SCUBE1: variants seen among roughly 807,000 people sequenced by gnomAD.
SCUBE1 encodes signal peptide, CUB domain and EGF like domain containing 1.
Under a neutral mutation model 124.4 loss-of-function variants are expected in SCUBE1, and 59 were observed. That is an observed-to-expected ratio of 0.47 (90% CI 0.38 to 0.59). The LOEUF (loss-of-function observed/expected upper bound fraction) is 0.59. Among genes scored for constraint, SCUBE1 ranks in the 20% least tolerant of loss-of-function variants. The probability of loss-of-function intolerance (pLI) is 0.00; values close to 1 mark genes in which losing one functional copy is unlikely to be tolerated. For synonymous variants in SCUBE1, 545 were observed against 550.9 expected, an observed-to-expected ratio of 0.99 and a Z score of 0.15; for missense variants, 1,150 against 1,371.2, an observed-to-expected ratio of 0.84 and a Z score of 2.55.
intron 21 of SCUBE1, among the ~76,000 whole-genome samples, chr22:43,205,246 G>A (rs758346102): frequency 1.3e-5 from 2 of 152,148 alleles, no homozygotes; most frequent in African/African-American, 2.4e-5. Flanking sequence ...CAGGTTTGCT[G>A]CAGGGATCTA....
chr22:43,255,619 T>A lies in SCUBE1; in HGVS notation c.727+2600A>T. 6.6e-7 allele frequency: 1 copy of A among 1,507,100 alleles called. No homozygotes were observed. The highest frequency in any genetic ancestry group is 9.0e-7 in the Non-Finnish European group (1 of 1,108,334). The allele number at this position is 1,507,100 out of a possible 1,614,324, so 93.4% of individuals were successfully genotyped here. ...GGACAAACACGGAGCCAGTGGTTAA[T>A]GACAGCCCACTTCCCGCGGCCCAAG... is the stretch of plus-strand genomic sequence containing the variant. On this transcript the variant is annotated intron_variant, in intron 6 of 21. Coordinates refer to ENST00000360835, the MANE Select transcript of SCUBE1 (RefSeq NM_173050.5). The surrounding 1 kb of genome is among the most constrained non-coding windows in gnomAD (Gnocchi z 4.7).
chr22:43,340,481 T>TACAC (rs3047392), intron 1 of SCUBE1, among the ~76,000 whole-genome samples: 2,133 of 136,076 alleles, frequency 0.016, 19 homozygotes, highest in East Asian at 0.03. Flanking sequence ...TTGTCTCTTT[T>TACAC]ACACACACAC....
chr22:43,264,221 T>C (rs1923979639), intron 4 of SCUBE1, among the ~76,000 whole-genome samples: 1 of 152,152 alleles, frequency 6.6e-6, no homozygotes, highest in Admixed American at 6.5e-5. Flanking sequence ...CAGATGTAGG[T>C]GTGAATCTGG....
chr22:43,303,159 C>T (rs1044575719), intron 3 of SCUBE1, among the ~76,000 whole-genome samples: 10 of 152,252 alleles, frequency 6.6e-5, no homozygotes, highest in African/African-American at 1.9e-4. Context: ...CGTGGAAGTC[C>T]GCATTTTCTT....
chr22:43,282,447 T>G (rs1383560595), intron 4 of SCUBE1: 1 of 152,232 alleles, frequency 6.6e-6, no homozygotes, highest in East Asian at 1.9e-4. Flanking sequence ...GAGTCCTACT[T>G]GAAGTGCTTT....
intron 4 of SCUBE1, among the ~76,000 whole-genome samples, chr22:43,288,914 C>T (rs1043490557): frequency 2.0e-5 from 3 of 152,270 alleles, no homozygotes; most frequent in Non-Finnish European, 4.4e-5. Context: ...TCATCCCCTC[C>T]CCAACCCCAG....
Position 43,203,989 on chromosome 22 carries a change from C to T in SCUBE1, c.*8G>A. The T allele has an allele frequency of 3.7e-6, 6 of 1,613,178 alleles. No homozygotes were observed. Among genetic ancestry groups the T allele is most frequent in the Non-Finnish European group, 5.1e-6 (6 of 1,179,428 alleles). On this transcript the variant is annotated 3_prime_UTR_variant, in exon 22 of 22. Transcript: ENST00000360835. Reference sequence around the variant, plus strand: ...CAGGCCACCCCCAGGCAGGGCCGCTCCCCCCGGTTATTTGTAGGGCCGCAG... The same window carrying T: ...CAGGCCACCCCCAGGCAGGGCCGCTTCCCCCGGTTATTTGTAGGGCCGCAG...
At chr22:43,225,677 C>T (rs1382426356) in intron 10 of SCUBE1, among the ~76,000 whole-genome samples, 1 of 151,704 alleles carries the variant, frequency 6.6e-6, no homozygotes, top group African/African-American at 2.4e-5. Flanking sequence ...GCTGGGATTA[C>T]AGGCGTGAGT....
chr22:43,207,469 G>C, intron 21 of SCUBE1, 65 bp downstream of exon 21: 2 of 1,268,232 alleles, frequency 1.6e-6, no homozygotes, highest in South Asian at 2.4e-5. Context: ...GGGCAGGGGC[G>C]GTCCTGGCTC....
intron 4 of SCUBE1, among the ~76,000 whole-genome samples, chr22:43,274,018 C>A (rs1418536071): frequency 6.6e-6 from 1 of 152,192 alleles, no homozygotes; most frequent in Non-Finnish European, 1.5e-5. Context: ...AGCCCCTGCC[C>A]TGCCTCGTTT....
chr22:43,321,346 C>G (rs1601889645), intron 2 of SCUBE1, among the ~76,000 whole-genome samples: 1 of 152,190 alleles, frequency 6.6e-6, no homozygotes, highest in African/African-American at 2.4e-5. Flanking sequence ...TTTCTCCATG[C>G]TGGTCTGGAG....
Position 43,210,776 on chromosome 22 carries a change from C to T in SCUBE1, c.2383+146G>A. 1.0e-6 allele frequency: 1 copy of T among 963,428 alleles called. No homozygotes were observed. The highest frequency in any genetic ancestry group is 1.6e-6 in the Non-Finnish European group (1 of 642,162). 59.7% of individuals were successfully genotyped at this position (963,428 alleles called of 1,614,324 possible). ...GGTGCCACAGGCCTCCAGATGGATG[C>T]AATGCACCCGAGAGCAGACGGGACG... is the stretch of plus-strand genomic sequence containing the variant. On this transcript the variant is annotated intron_variant, in intron 18 of 21. Coordinates refer to ENST00000360835, the MANE Select transcript of SCUBE1 (RefSeq NM_173050.5). This position sits in a 1 kb window ranked among gnomAD's most constrained non-coding sequence, Gnocchi z 4.5.
intron 4 of SCUBE1, among the ~76,000 whole-genome samples, chr22:43,274,673 C>A (rs1924428294): frequency 6.6e-6 from 1 of 152,220 alleles, no homozygotes; most frequent in South Asian, 2.1e-4. Context: ...GCACTGTGGA[C>A]ACACGAACAG....
In SCUBE1 at chr22:43,202,973, C is replaced by A. The variant is rs1174553554; in HGVS notation, c.*1024G>T. On this transcript the variant is annotated 3_prime_UTR_variant, in exon 22 of 22. Coordinates refer to ENST00000360835, the MANE Select transcript of SCUBE1 (RefSeq NM_173050.5). ...CACTGCCACAGGGCAAGAGCCAAGG[C>A]CCCTTTCGCCGTTTATTGCTGGGCC... The A allele has an allele frequency of 2.0e-5, 3 of 152,354 alleles. No individual in the cohort carries two copies. The highest frequency in any genetic ancestry group is 7.2e-5 in the African/African-American group (3 of 41,464). 9.4% of individuals were successfully genotyped at this position (152,354 alleles called of 1,614,324 possible).
chr22:43,210,044 A>C lies in SCUBE1; in HGVS notation c.2580T>G (p.Ser860Arg). The change falls in exon 19 of 22, where the codon AGT becomes AGG. Residue 860 changes from serine to arginine, a missense_variant and splice_region_variant. By Grantham distance (110) the Ser-to-Arg change is moderately radical. This residue lies in a region of SCUBE1 where 757 missense variants were observed against 840.9 expected (regional missense o/e 0.90). Transcript: ENST00000360835. This position sits in a 1 kb window ranked among gnomAD's most constrained non-coding sequence, Gnocchi z 4.5. ...ECGDVLVMRK[S>R]ASPTSITTYE... ...TGGTCCCCTCGGCCCCCAACATACC[A>C]CTCTTCCTCATGACCAGAACATCGC... 6.2e-7 allele frequency: 1 copy of C among 1,600,262 alleles called. No homozygotes were observed. The highest frequency in any genetic ancestry group is 8.5e-7 in the Non-Finnish European group (1 of 1,173,106).
intron 3 of SCUBE1, among the ~76,000 whole-genome samples, chr22:43,296,762 G>T (rs80242655): frequency 7.2e-6 from 1 of 138,472 alleles, no homozygotes; most frequent in African/African-American, 2.5e-5. Flanking sequence ...TCCCTCTTCC[G>T]GGCCAAGGCT....
intron 9 of SCUBE1, 73 bp downstream of exon 9, chr22:43,228,999 G>C (rs997889082): frequency 2.8e-6 from 3 of 1,062,092 alleles, no homozygotes; most frequent in African/African-American, 3.1e-5. Flanking sequence ...GGGATGCGGG[G>C]TGCAGTGTAG....
chr22:43,203,972 C>A lies in SCUBE1; in HGVS notation c.*25G>T. On this transcript the variant is annotated 3_prime_UTR_variant, in exon 22 of 22. Transcript: ENST00000360835. ...GTGCACCCTCCGCGGACCAGGCCAC[C>A]CCCAGGCAGGGCCGCTCCCCCCGGT... The A allele has an allele frequency of 6.2e-7, 1 of 1,613,286 alleles. No homozygotes were observed. The highest frequency in any genetic ancestry group is 1.1e-5 in the South Asian group (1 of 91,042).
In SCUBE1 at chr22:43,211,375, T is replaced by G. The variant is rs1921545368; in HGVS notation, c.2222-292A>C. Among the ~76,000 whole-genome samples, 1 of 151,760 alleles carries G rather than the reference T, an allele frequency of 6.6e-6. No homozygotes were observed. The highest frequency in any genetic ancestry group is 2.1e-4 in the South Asian group (1 of 4,794). Reference sequence around the variant, plus strand: ...TTCAGGGAGAGCGGGGGCGATGATGTGGCCGGAGGCGTGCGGGGGAGACAG... The same window carrying G: ...TTCAGGGAGAGCGGGGGCGATGATGGGGCCGGAGGCGTGCGGGGGAGACAG... On this transcript the variant is annotated intron_variant, in intron 17 of 21. Coordinates refer to ENST00000360835, the MANE Select transcript of SCUBE1 (RefSeq NM_173050.5). This position sits in a 1 kb window ranked among gnomAD's most constrained non-coding sequence, Gnocchi z 4.5.
Sources: allele counts gnomAD v4.1 joint callset (sites outside exome capture counted in the v4.1 genomes callset), GRCh38; gene constraint gnomAD v4.1.1; regional missense constraint gnomAD v4.1.1; non-coding constraint Gnocchi (gnomAD v3.1); transcripts MANE v1.5; gene names NCBI Gene and HGNC (gene_info 2026-07-23, HGNC 2026-07-21).